PTPRD: variants seen among roughly 807,000 people sequenced by gnomAD.
PTPRD encodes the protein receptor-type tyrosine-protein phosphatase delta.
PTPRD carries 34 observed loss-of-function variants against 214.5 expected under a neutral mutation model. That is an observed-to-expected ratio of 0.16 (90% CI 0.12 to 0.21). The LOEUF is 0.21. PTPRD is among the 10% of genes least tolerant of loss of function. PTPRD has a pLI of 1.00. For missense variants in PTPRD, 2,545 were observed against 2,398.7 expected, an observed-to-expected ratio of 1.06 and a Z score of -1.27; for synonymous variants, 1,128 against 845.7, an observed-to-expected ratio of 1.33 and a Z score of -5.79.
intron 39 of PTPRD, among the ~76,000 whole-genome samples, chr9:8,359,119 AAAACAAAAAAAAAAAAAAAC>A (rs1337644891): frequency 0.089 from 2,652 of 29,952 alleles, 542 homozygotes; most frequent in African/African-American, 0.19. Context: ...AAAAAAAAAA[AAAACAAAAAAAAAAAAAAAC>A]AAAAAAAAAT....
intron 3 of PTPRD, among the ~76,000 whole-genome samples, chr9:10,120,646 T>A (rs751585290): frequency 6.9e-6 from 1 of 145,286 alleles, no homozygotes; most frequent in Admixed American, 7.2e-5. Flanking sequence ...GTTCTATACA[T>A]CCATCAATAT....
At chr9:9,436,526 C>G (rs1462430521) in intron 8 of PTPRD, among the ~76,000 whole-genome samples, 1 of 151,938 alleles carries the variant, frequency 6.6e-6, no homozygotes, top group Non-Finnish European at 1.5e-5. Flanking sequence ...ACAGATGCAT[C>G]CTAAAATAAT....
At chr9:8,546,480 G>C (rs1188119430) in intron 14 of PTPRD, among the ~76,000 whole-genome samples, 5 of 151,830 alleles carry the variant, frequency 3.3e-5, no homozygotes, top group Non-Finnish European at 7.4e-5. Flanking sequence ...GGAATATTAT[G>C]GTTTTTCTTT....
chr9:9,885,876 G>C (rs2153749442), intron 5 of PTPRD, among the ~76,000 whole-genome samples: 2 of 151,736 alleles, frequency 1.3e-5, no homozygotes, highest in South Asian at 4.2e-4. Context: ...AAAAACCATG[G>C]CCAAAAAGAA....
chr9:10,523,197 G>C (rs1018040957), intron 2 of PTPRD, among the ~76,000 whole-genome samples: 3 of 151,992 alleles, frequency 2.0e-5, no homozygotes, highest in Non-Finnish European at 4.4e-5. Flanking sequence ...TACATATCGT[G>C]ATGTTTTAAT....
Position 10,564,502 on chromosome 9 carries a change from G to A in PTPRD, c.-600+47896C>T, listed in dbSNP as rs544019849. Among the ~76,000 whole-genome samples the A allele has an allele frequency of 8.6e-5, 13 of 151,880 alleles. No homozygotes were observed. The East Asian group carries it at 1.7e-3, about 20-fold the overall frequency. ...TCTAGCAGTATGATAGTTCCTGGAA[G>A]TGGCCATATTAGCTGGGCTAAAGTG... On this transcript the variant is annotated intron_variant, in intron 2 of 45. Transcript: ENST00000381196.
chr9:10,491,880 C>T (rs975823559), intron 2 of PTPRD, among the ~76,000 whole-genome samples: 1 of 152,140 alleles, frequency 6.6e-6, no homozygotes, highest in East Asian at 1.9e-4. Context: ...CACCCCACAA[C>T]AGGCCCCAGT....
At chr9:8,798,032 C>T (rs1371553782) in intron 11 of PTPRD, among the ~76,000 whole-genome samples, 1 of 152,062 alleles carries the variant, frequency 6.6e-6, no homozygotes, top group Admixed American at 6.6e-5. Context: ...TAACTTGAGT[C>T]AAAGCTCAAA....
chr9:10,415,243 A>G (rs1246040998), intron 2 of PTPRD, among the ~76,000 whole-genome samples: 1 of 151,888 alleles, frequency 6.6e-6, no homozygotes, highest in Non-Finnish European at 1.5e-5. Flanking sequence ...TACATAATAT[A>G]TAAATGAACT....
intron 36 of PTPRD, among the ~76,000 whole-genome samples, chr9:8,402,360 G>T (rs2092501514): frequency 6.6e-6 from 1 of 152,114 alleles, no homozygotes. Context: ...AAGATACAAG[G>T]AGGTATAGTT....
chr9:8,660,642 A>C (rs1461887106), intron 12 of PTPRD, among the ~76,000 whole-genome samples: 1 of 152,066 alleles, frequency 6.6e-6, no homozygotes, highest in Non-Finnish European at 1.5e-5. Context: ...CTCTGAAACC[A>C]CAAACTAAAC....
intron 11 of PTPRD, among the ~76,000 whole-genome samples, chr9:8,862,474 T>G (rs185274803): frequency 1.1e-4 from 17 of 152,348 alleles, no homozygotes; most frequent in Middle Eastern, 6.8e-3. Context: ...TTCTATGGAT[T>G]CTACCAGTAA....
At chr9:10,362,051 T>C (rs545333902) in intron 2 of PTPRD, among the ~76,000 whole-genome samples, 1 of 152,290 alleles carries the variant, frequency 6.6e-6, no homozygotes, top group African/African-American at 2.4e-5. Flanking sequence ...TGGGGTCTTC[T>C]CCATCAACAT....
intron 3 of PTPRD, among the ~76,000 whole-genome samples, chr9:10,069,917 T>G (rs1294771403): frequency 1.3e-5 from 2 of 152,078 alleles, no homozygotes; most frequent in Non-Finnish European, 2.9e-5. Flanking sequence ...TATTTGCTAT[T>G]TAGCACACAT....
At chr9:10,314,789 A>G (rs1307887905) in intron 3 of PTPRD, among the ~76,000 whole-genome samples, 1 of 151,948 alleles carries the variant, frequency 6.6e-6, no homozygotes, top group Non-Finnish European at 1.5e-5. Context: ...ACTATTTTGA[A>G]TGAATGGTTG....
At chr9:9,117,235 T>G (rs2099813250) in intron 10 of PTPRD, among the ~76,000 whole-genome samples, 1 of 149,984 alleles carries the variant, frequency 6.7e-6, no homozygotes. Context: ...TTTTTTTTTT[T>G]GTACTTTCAG....
chr9:10,320,329 A>G (rs1424927923), intron 3 of PTPRD, among the ~76,000 whole-genome samples: 1 of 152,060 alleles, frequency 6.6e-6, no homozygotes, highest in African/African-American at 2.4e-5. Context: ...AGCTGACTAC[A>G]TAAGCTTGAA....
intron 11 of PTPRD, among the ~76,000 whole-genome samples, chr9:8,941,654 CA>C (rs2099034600): frequency 6.6e-6 from 1 of 152,072 alleles, no homozygotes; most frequent in Non-Finnish European, 1.5e-5. Context: ...TTATATTTCA[CA>C]AAGTTAAAAC....
chr9:9,509,057 T>C (rs1441270459), intron 8 of PTPRD, among the ~76,000 whole-genome samples: 1 of 151,378 alleles, frequency 6.6e-6, no homozygotes, highest in Non-Finnish European at 1.5e-5. Flanking sequence ...TCTTATAAAT[T>C]ATTAAAATAC....
Sources: gnomAD v4.1 joint callset for allele counts (sites outside exome capture counted in the v4.1 genomes callset) on GRCh38, gnomAD v4.1.1 for gene constraint, MANE v1.5 for transcripts, NCBI Gene and HGNC (gene_info 2026-07-23, HGNC 2026-07-21) for gene names.